PPM1L: variants seen among roughly 807,000 people sequenced by gnomAD.
PPM1L encodes the protein protein phosphatase 1L.
Under a neutral mutation model 31.4 loss-of-function variants are expected in PPM1L, and 13 were observed. The ratio of observed to expected loss-of-function variants is 0.41; its 90% CI spans 0.27 to 0.66. The LOEUF (loss-of-function observed/expected upper bound fraction) is 0.66. PPM1L is among the 30% of genes least tolerant of loss of function. PPM1L has a pLI of 0.29. For missense variants in PPM1L, 326 were observed against 453.7 expected (o/e 0.72, Z 2.56); for synonymous variants, 184 against 175.4 (o/e 1.05, Z -0.39).
chr3:160,802,719 T>G (rs113459767), intron 1 of PPM1L, among the ~76,000 whole-genome samples: 2 of 152,220 alleles, frequency 1.3e-5, no homozygotes, highest in African/African-American at 4.8e-5. Flanking sequence ...AGAAAGAGCA[T>G]GGGCTTTGAA....
At position 160,808,394 on chromosome 3, in the gene PPM1L, T is replaced by TGTGTGTGTGTGTGCGCGCGCGC. The variant is rs1560112682; in HGVS notation, c.399+51700_399+51701insCGCGCGCGCGTGTGTGTGTGTG. Among the ~76,000 whole-genome samples, 7 of 146,770 alleles carry TGTGTGTGTGTGTGCGCGCGCGC rather than the reference T, an allele frequency of 4.8e-5. 1 individual carries two copies. The highest frequency in any genetic ancestry group is 1.3e-4 in the African/African-American group (5 of 38,298). On this transcript the variant is annotated intron_variant, in intron 1 of 3. Transcript: ENST00000498165. The stretch of plus-strand genomic sequence containing the variant: ...GTGCCAGGATTTTCCTGTGTGTGTG[T>TGTGTGTGTGTGTGCGCGCGCGC]GTGTGTGTGTGTGTGTGTGTGTGTG...
intron 1 of PPM1L, among the ~76,000 whole-genome samples, chr3:160,941,229 T>G (rs1715151609): frequency 6.6e-6 from 1 of 152,196 alleles, no homozygotes; most frequent in Admixed American, 6.5e-5. Flanking sequence ...CAGAAGGGAC[T>G]TGCCTCGTCT....
At chr3:160,978,603 G>A (rs1441156449) in intron 2 of PPM1L, among the ~76,000 whole-genome samples, 1 of 152,194 alleles carries the variant, frequency 6.6e-6, no homozygotes, top group East Asian at 1.9e-4. Flanking sequence ...GCTTAAGTGG[G>A]AGAATTGCTT....
At chr3:160,959,119 A>G (rs1715873495) in intron 1 of PPM1L, among the ~76,000 whole-genome samples, 1 of 152,256 alleles carries the variant, frequency 6.6e-6, no homozygotes, top group Non-Finnish European at 1.5e-5. Context: ...ACTCAGCCAT[A>G]AAACAGAATG....
intron 1 of PPM1L, among the ~76,000 whole-genome samples, chr3:160,763,794 A>G (rs1013434362): frequency 6.6e-6 from 1 of 152,140 alleles, no homozygotes; most frequent in African/African-American, 2.4e-5. Flanking sequence ...CTTGAGACAG[A>G]GCAGTGAAGA....
At chr3:161,014,269 T>G (rs1717999869) in intron 2 of PPM1L, among the ~76,000 whole-genome samples, 3 of 152,132 alleles carry the variant, frequency 2.0e-5, no homozygotes, top group African/African-American at 7.2e-5. Flanking sequence ...TTACTGTGAT[T>G]TATGCTTACT....
At chr3:160,889,666 C>T (rs1341555608) in intron 1 of PPM1L, among the ~76,000 whole-genome samples, 1 of 152,164 alleles carries the variant, frequency 6.6e-6, no homozygotes, top group African/African-American at 2.4e-5. Context: ...CCAGCATCAT[C>T]CTGATACCAA....
intron 1 of PPM1L, among the ~76,000 whole-genome samples, chr3:160,856,227 G>A (rs1490841742): frequency 1.3e-5 from 2 of 151,348 alleles, no homozygotes; most frequent in African/African-American, 4.9e-5. Flanking sequence ...ATCTCCTTTG[G>A]CAACACCCTC....
chr3:160,776,190 G>T (rs1453833181), intron 1 of PPM1L, among the ~76,000 whole-genome samples: 2 of 152,112 alleles, frequency 1.3e-5, no homozygotes, highest in Admixed American at 6.5e-5. Flanking sequence ...TGTACAAAAT[G>T]GACATTTTCT....
At chr3:160,915,417 A>G (rs1181945235) in intron 1 of PPM1L, among the ~76,000 whole-genome samples, 1 of 152,198 alleles carries the variant, frequency 6.6e-6, no homozygotes, top group Non-Finnish European at 1.5e-5. Flanking sequence ...GAGGGATACA[A>G]ACAAATGGAA....
chr3:161,000,038 C>T (rs1007091062), intron 2 of PPM1L, among the ~76,000 whole-genome samples: 3 of 152,096 alleles, frequency 2.0e-5, no homozygotes, highest in African/African-American at 4.8e-5. Flanking sequence ...CCTTTGTATC[C>T]GCAGAATCCA....
Position 160,756,703 on chromosome 3 carries a change from G to A in PPM1L, c.395G>A (p.Gly132Glu). ...SIFGIFDGHG[G>E]ETAAEYVKSR... The stretch of plus-strand genomic sequence containing the variant: ...TTCGGGATCTTCGACGGGCACGGGG[G>A]AGAGGTAGGAGCTACCCCGGGGCTT... Residue 132 changes from glycine (G) to glutamate (E), a missense_variant, in exon 1 of 4, where the codon GGA (glycine) becomes GAA (glutamate). Around this residue, in one of 3 missense-constraint regions of PPM1L, gnomAD observed 201 missense variants for 298.2 expected, o/e 0.67. Transcript: ENST00000498165. This position sits in a 1 kb window ranked among gnomAD's most constrained non-coding sequence, Gnocchi z 6.2. 6.2e-7 allele frequency: 1 copy of A among 1,613,368 alleles called. No homozygotes were observed. The highest frequency in any genetic ancestry group is 8.5e-7 in the Non-Finnish European group (1 of 1,179,776).
chr3:160,908,988 A>T (rs1713860325), intron 1 of PPM1L, among the ~76,000 whole-genome samples: 1 of 152,236 alleles, frequency 6.6e-6, no homozygotes, highest in Non-Finnish European at 1.5e-5. Flanking sequence ...GGTGAACAAC[A>T]TATACAAGCA....
intron 1 of PPM1L, among the ~76,000 whole-genome samples, chr3:160,846,431 A>T (rs1387667845): frequency 2.0e-5 from 3 of 152,118 alleles, no homozygotes; most frequent in African/African-American, 7.2e-5. Flanking sequence ...TTTGTTTTAA[A>T]TTACACATCG....
intron 1 of PPM1L, 77 bp from the exon 2 acceptor site, chr3:160,961,659 A>G: frequency 7.6e-7 from 1 of 1,311,922 alleles, no homozygotes; most frequent in Non-Finnish European, 1.0e-6. Context: ...CTTTCTCTAT[A>G]GCACCTGAGG....
chr3:160,772,595 A>G (rs1359421573), intron 1 of PPM1L, among the ~76,000 whole-genome samples: 3 of 152,214 alleles, frequency 2.0e-5, no homozygotes, highest in East Asian at 3.9e-4. Context: ...CATGCTTAAT[A>G]TATGCAATTT....
intron 2 of PPM1L, among the ~76,000 whole-genome samples, chr3:160,988,832 G>GTACAA (rs1322840901): frequency 6.6e-6 from 1 of 152,122 alleles, no homozygotes; most frequent in East Asian, 1.9e-4. Context: ...GAAGATGTCT[G>GTACAA]TACAATTCTT....
intron 1 of PPM1L, among the ~76,000 whole-genome samples, chr3:160,953,653 G>A (rs557088763): frequency 3.7e-4 from 57 of 152,252 alleles, no homozygotes; most frequent in African/African-American, 1.3e-3. Context: ...TTCTTGAAGA[G>A]AAGCTTTTTT....
intron 2 of PPM1L, among the ~76,000 whole-genome samples, chr3:161,017,965 A>G (rs1718132455): frequency 6.6e-6 from 1 of 152,200 alleles, no homozygotes. Flanking sequence ...CTGATTGAAT[A>G]TAGCTTTAAA....
Sources: gnomAD v4.1 joint callset for allele counts (sites outside exome capture counted in the v4.1 genomes callset) on GRCh38, gnomAD v4.1.1 for gene constraint, gnomAD v4.1.1 regional missense constraint, Gnocchi (gnomAD v3.1) non-coding constraint, MANE v1.5 for transcripts, NCBI Gene and HGNC (gene_info 2026-07-23, HGNC 2026-07-21) for gene names.